Variants in RSRC1 observed in about 807,000 individuals in gnomAD.
The protein encoded by RSRC1 is serine/Arginine-related protein 53.
A neutral mutation model predicts 49.1 loss-of-function variants in RSRC1; 39 were observed. That is an observed-to-expected ratio of 0.79 (90% CI 0.61 to 1.04). The LOEUF (loss-of-function observed/expected upper bound fraction) is 1.04, where lower values mean the gene tolerates loss of function less well. Among genes scored for constraint, RSRC1 ranks in the 50% least tolerant of loss-of-function variants. The pLI is 0.00. For synonymous variants in RSRC1, 143 were observed against 130.8 expected (o/e 1.09, Z -0.63); for missense variants, 388 against 402.4 (o/e 0.96, Z 0.31).
intron 3 of RSRC1, among the ~76,000 whole-genome samples, chr3:158,125,516 T>C (rs1715561078): frequency 1.3e-5 from 2 of 152,196 alleles, no homozygotes; most frequent in Admixed American, 1.3e-4. Context: ...TTTCTACATA[T>C]TTGTGGATTT....
At chr3:158,285,282 T>G (rs1207827109) in intron 4 of RSRC1, among the ~76,000 whole-genome samples, 1 of 152,190 alleles carries the variant, frequency 6.6e-6, no homozygotes, top group East Asian at 1.9e-4. Context: ...TACCATGCTG[T>G]TTTGGTTACT....
intron 6 of RSRC1, among the ~76,000 whole-genome samples, chr3:158,385,621 T>A (rs1012801966): frequency 1.3e-5 from 2 of 152,224 alleles, no homozygotes; most frequent in Non-Finnish European, 2.9e-5. Flanking sequence ...AGAGTATTTA[T>A]CATTGCCTTA....
intron 4 of RSRC1, among the ~76,000 whole-genome samples, chr3:158,249,289 C>G (rs755109353): frequency 1.3e-5 from 2 of 152,178 alleles, no homozygotes; most frequent in African/African-American, 2.4e-5. Flanking sequence ...CGCATCCACT[C>G]TCCCTCCCTC....
chr3:158,403,820 A>G (rs563572464), intron 6 of RSRC1, among the ~76,000 whole-genome samples: 21 of 151,906 alleles, frequency 1.4e-4, no homozygotes, highest in African/African-American at 4.1e-4. Context: ...AAAATTCAGC[A>G]TAGCAATTCG....
intron 4 of RSRC1, chr3:158,276,179 A>G (rs1448750466): frequency 5.8e-6 from 5 of 867,286 alleles, no homozygotes; most frequent in South Asian, 5.2e-5. Context: ...CAGGCTTGCC[A>G]TATGTTGCAC....
At chr3:158,214,837 A>G (rs961558759) in intron 4 of RSRC1, among the ~76,000 whole-genome samples, 3 of 151,740 alleles carry the variant, frequency 2.0e-5, no homozygotes, top group African/African-American at 7.3e-5. Context: ...ATTTTTATGA[A>G]TTAGGATATG....
intron 3 of RSRC1, among the ~76,000 whole-genome samples, chr3:158,185,233 G>A (rs1719858848): frequency 6.6e-6 from 1 of 151,936 alleles, no homozygotes; most frequent in Admixed American, 6.6e-5. Flanking sequence ...TGATACCTAA[G>A]TGGGAGGCTT....
chr3:158,439,384 A>C (rs931682381), intron 6 of RSRC1, among the ~76,000 whole-genome samples: 1 of 152,156 alleles, frequency 6.6e-6, no homozygotes, highest in Non-Finnish European at 1.5e-5. Flanking sequence ...TTGCGGCACT[A>C]TTCACAATAG....
intron 3 of RSRC1, among the ~76,000 whole-genome samples, chr3:158,158,312 A>G (rs1486211820): frequency 2.0e-5 from 3 of 152,074 alleles, no homozygotes; most frequent in Non-Finnish European, 4.4e-5. Context: ...CTGACTTCGT[A>G]TATGTAGATG....
chr3:158,498,239 T>TC (rs1205235531), intron 7 of RSRC1, among the ~76,000 whole-genome samples: 1 of 152,092 alleles, frequency 6.6e-6, no homozygotes, highest in Non-Finnish European at 1.5e-5. Context: ...CATCTTTTTT[T>TC]TTTTTTTTAT....
intron 6 of RSRC1, among the ~76,000 whole-genome samples, chr3:158,422,990 G>A (rs572322144): frequency 1.4e-4 from 22 of 152,284 alleles, no homozygotes; most frequent in African/African-American, 4.3e-4. Context: ...TTTGTCAGAT[G>A]AGTAGGTTGC....
intron 3 of RSRC1, among the ~76,000 whole-genome samples, chr3:158,155,071 T>G (rs1717780632): frequency 6.6e-6 from 1 of 152,330 alleles, no homozygotes; most frequent in South Asian, 2.1e-4. Flanking sequence ...CACTGAAGTC[T>G]TCTTCCTCAC....
intron 6 of RSRC1, among the ~76,000 whole-genome samples, chr3:158,428,476 A>G (rs1312701543): frequency 4.0e-5 from 6 of 151,804 alleles, no homozygotes; most frequent in South Asian, 2.1e-4. Flanking sequence ...ACCCTGAGCA[A>G]TTGTTAAACC....
intron 1 of RSRC1, among the ~76,000 whole-genome samples, chr3:158,114,721 T>C (rs919542328): frequency 6.6e-6 from 1 of 152,186 alleles, no homozygotes. Context: ...TTCACTTCCC[T>C]TGTTAGCTGT....
intron 3 of RSRC1, among the ~76,000 whole-genome samples, chr3:158,159,708 A>G (rs768544353): frequency 3.9e-5 from 6 of 152,140 alleles, no homozygotes; most frequent in Non-Finnish European, 7.3e-5. Context: ...AGCTCACTAA[A>G]TGATTATTTC....
intron 3 of RSRC1, among the ~76,000 whole-genome samples, chr3:158,201,132 A>G (rs1260510695): frequency 6.6e-6 from 1 of 152,132 alleles, no homozygotes; most frequent in Non-Finnish European, 1.5e-5. Flanking sequence ...ATAAAATTCT[A>G]GGTTGACCTT....
intron 7 of RSRC1, among the ~76,000 whole-genome samples, chr3:158,515,921 A>C (rs1227024872): frequency 1.1e-4 from 17 of 151,386 alleles, no homozygotes; most frequent in Admixed American, 1.1e-3. Flanking sequence ...TTCTTCACGT[A>C]GTTCTCGAGC....
At chr3:158,490,258 G>A (rs899992058) in intron 7 of RSRC1, among the ~76,000 whole-genome samples, 1 of 152,070 alleles carries the variant, frequency 6.6e-6, no homozygotes, top group Non-Finnish European at 1.5e-5. Flanking sequence ...CTAATTTTTT[G>A]TGTTTTTAGT....
chr3:158,141,552 G>A (rs915728781), intron 3 of RSRC1, among the ~76,000 whole-genome samples: 38 of 152,240 alleles, frequency 2.5e-4, no homozygotes, highest in African/African-American at 8.7e-4. Flanking sequence ...AAGGTAGGAG[G>A]CAGGTCCTTC....
Sources: gnomAD v4.1 joint callset for allele counts (sites outside exome capture counted in the v4.1 genomes callset) on GRCh38, gnomAD v4.1.1 for gene constraint, MANE v1.5 for transcripts, NCBI Gene and HGNC (gene_info 2026-07-23, HGNC 2026-07-21) for gene names.